Variants in CCAR2 observed in about 807,000 individuals in gnomAD.
The protein encoded by CCAR2 is cell cycle and apoptosis regulator protein 2.
A neutral mutation model predicts 108.1 loss-of-function variants in CCAR2; 21 were observed. The ratio of observed to expected loss-of-function variants is 0.19; its 90% CI spans 0.14 to 0.28. The LOEUF (loss-of-function observed/expected upper bound fraction) is 0.28, where lower values mean the gene tolerates loss of function less well. Ranked by LOEUF, CCAR2 falls within the 10% of genes least tolerant of loss-of-function variation. The probability of loss-of-function intolerance (pLI) is 1.00; values close to 1 mark genes in which losing one functional copy is unlikely to be tolerated. For synonymous variants in CCAR2, 577 were observed against 472.8 expected, an observed-to-expected ratio of 1.22 and a Z score of -2.86; for missense variants, 1,126 against 1,177.0, an observed-to-expected ratio of 0.96 and a Z score of 0.63.
intron 19 of CCAR2, 60 bp from the exon 20 acceptor site, chr8:22,619,090 C>A: frequency 1.3e-6 from 2 of 1,599,560 alleles, no homozygotes; most frequent in South Asian, 2.2e-5. Context: ...GGCTCAGGCC[C>A]TGCCCTGTGC....
chr8:22,614,915 C>A lies in CCAR2; in HGVS notation c.1119C>A (p.Pro373=), dbSNP rs200894555. The A allele has an allele frequency of 1.9e-6, 3 of 1,613,534 alleles. No individual in the cohort carries two copies. Among genetic ancestry groups the A allele is most frequent in the Non-Finnish European group, 2.5e-6 (3 of 1,179,922 alleles). Residue 373 remains proline, a synonymous_variant, in exon 11 of 21, where the codon CCC becomes CCA. Transcript: ENST00000308511. ...EWSPSLDGLD[P]QADPQVLVRT... is the part of the protein sequence containing the mutation. The stretch of plus-strand genomic sequence containing the variant: ...CTCCTTCCCTGGATGGCCTCGACCC[C>A]CAGGCTGACCCGCAGGTGCTGGTGC...
At chr8:22,614,680 G>C (rs1329405087) in intron 10 of CCAR2, 158 bp from the exon 11 acceptor site, 1 of 1,070,586 alleles carries the variant, frequency 9.3e-7, no homozygotes, top group Non-Finnish European at 1.4e-6. Context: ...GTCAGAGAGA[G>C]CGAGGTGGCT....
rs138079032 is a variant in CCAR2, at chr8:22,613,072, G to T, written c.640G>T (p.Ala214Ser). The change falls in exon 8 of 21, where the codon GCT becomes TCT. Residue 214 changes from alanine (A) to serine (S), a missense_variant. By Grantham distance (99) the Ala-to-Ser change is moderately conservative. Around this residue, in one of 4 missense-constraint regions of CCAR2, gnomAD observed 1,013 missense variants for 993.9 expected, o/e 1.02. Transcript: ENST00000308511. ...KQRAGGEPWG[A>S]KKPRHDLPPY... ...GCGGGCTGGTGGAGAGCCCTGGGGTGCTAAGAAGCCAAGGCATGACCTGCC... is the reference window on the plus strand; with the variant it reads ...GCGGGCTGGTGGAGAGCCCTGGGGTTCTAAGAAGCCAAGGCATGACCTGCC... The T allele has an allele frequency of 2.7e-5, 43 of 1,612,746 alleles. No homozygotes were observed. Among genetic ancestry groups the T allele is most frequent in the Non-Finnish European group, 3.6e-5 (43 of 1,179,602 alleles).
intron 6 of CCAR2, 150 bp from the exon 7 acceptor site, chr8:22,607,819 T>G: frequency 1.6e-6 from 1 of 640,674 alleles, no homozygotes; most frequent in Non-Finnish European, 2.8e-6. Flanking sequence ...GGAGACGGGG[T>G]TTCACCATGT....
intron 7 of CCAR2, among the ~76,000 whole-genome samples, chr8:22,609,219 T>G (rs1207850173): frequency 6.6e-6 from 1 of 152,104 alleles, no homozygotes; most frequent in Non-Finnish European, 1.5e-5. Context: ...CTGGAGTAAT[T>G]TTTTAAAACG....
intron 7 of CCAR2, 69 bp downstream of exon 7, chr8:22,608,134 T>A: frequency 7.6e-7 from 1 of 1,320,246 alleles, no homozygotes; most frequent in South Asian, 1.3e-5. Flanking sequence ...TATTATTATT[T>A]TTTTGTGTTG....
chr8:22,621,214 C>G, downstream of CCAR2: 1 of 634,856 alleles, frequency 1.6e-6, no homozygotes. Flanking sequence ...GTCTACACTG[C>G]TTACCTGCTG....
At chr8:22,610,963 C>T (rs927001889) in intron 7 of CCAR2, among the ~76,000 whole-genome samples, 17 of 152,034 alleles carry the variant, frequency 1.1e-4, no homozygotes, top group South Asian at 4.2e-4. Context: ...GCACTTATAA[C>T]GTAGTTATAG....
chr8:22,605,812 A>G lies in CCAR2; in HGVS notation c.39A>G (p.Pro13=). ...AGCGCCAGCGGATCAACCCGCTTCC[A>G]GGGGGACGCAACTTCTCAGGTGATC... The part of the protein sequence containing the change: ...QFKRQRINPL[P]GGRNFSGTAS... The change falls in exon 2 of 21, where the codon CCA becomes CCG. Residue 13 remains proline (P), a synonymous_variant. Transcript: ENST00000308511. 1 of 1,613,980 alleles carries G rather than the reference A, an allele frequency of 6.2e-7. No individual in the cohort carries two copies. Among genetic ancestry groups the G allele is most frequent in the Non-Finnish European group, 8.5e-7 (1 of 1,179,942 alleles).
chr8:22,618,425 G>A lies in CCAR2; in HGVS notation c.2150G>A (p.Cys717Tyr). Residue 717 changes from cysteine (C) to tyrosine (Y), a missense_variant, in exon 17 of 21, where the codon TGT (cysteine) becomes TAT (tyrosine). Around this residue, in one of 4 missense-constraint regions of CCAR2, gnomAD observed 1,013 missense variants for 993.9 expected, o/e 1.02. Transcript: ENST00000308511. ...TTTGTGTTCTTTGATGCCAACTGGT[G>A]TGGCTACTTGCACCGGCGAGACTTA... ...LAFVFFDANW[C>Y]GYLHRRDLER... 6.2e-7 allele frequency: 1 copy of A among 1,614,200 alleles called. No individual in the cohort carries two copies. The highest frequency in any genetic ancestry group is 1.1e-5 in the South Asian group (1 of 91,080).
chr8:22,615,940 G>C (rs1801488338), intron 13 of CCAR2, 28 bp downstream of exon 13: 2 of 1,613,202 alleles, frequency 1.2e-6, no homozygotes, highest in Non-Finnish European at 1.7e-6. Context: ...TGGGGAGGCT[G>C]TGGGCTGGGA....
Position 22,605,817 on chromosome 8 carries a change from G to A in CCAR2, c.44G>A (p.Gly15Glu). The A allele has an allele frequency of 6.2e-7, 1 of 1,614,028 alleles. No homozygotes were observed. The highest frequency in any genetic ancestry group is 8.5e-7 in the Non-Finnish European group (1 of 1,179,952). Residue 15 changes from glycine to glutamate, a missense_variant, in exon 2 of 21, where the codon GGA becomes GAA. Transcript: ENST00000308511. ...CAGCGGATCAACCCGCTTCCAGGGG[G>A]ACGCAACTTCTCAGGTGATCACTGT... ...KRQRINPLPG[G>E]RNFSGTASTS...
At chr8:22,607,472 T>C in intron 6 of CCAR2, 147 bp downstream of exon 6, 4 of 821,768 alleles carry the variant, frequency 4.9e-6, no homozygotes, top group Middle Eastern at 3.0e-4. Context: ...TTAGGGTTTT[T>C]TTTTTTTTTT....
intron 10 of CCAR2, 111 bp downstream of exon 10, chr8:22,614,614 C>A: frequency 9.2e-7 from 1 of 1,092,284 alleles, no homozygotes; most frequent in Non-Finnish European, 1.4e-6. Context: ...CATCTCAGAG[C>A]CGAACACCCC....
In CCAR2 at chr8:22,618,836, A is replaced by C; in HGVS notation, c.2342A>C (p.Asp781Ala). The C allele has an allele frequency of 1.2e-6, 2 of 1,613,638 alleles. No individual in the cohort carries two copies. Among genetic ancestry groups the C allele is most frequent in the Non-Finnish European group, 1.7e-6 (2 of 1,179,892 alleles). ...LPEEVLFGNL[D>A]LLPPPGKSTK... Reference sequence around the variant, plus strand: ...TCACGGTTCTCTCTAGGAAACCTGGACCTGCTGCCCCCTCCTGGGAAAAGC... The same window carrying C: ...TCACGGTTCTCTCTAGGAAACCTGGCCCTGCTGCCCCCTCCTGGGAAAAGC... Residue 781 changes from aspartate (D) to alanine (A), a missense_variant, in exon 19 of 21, where the codon GAC becomes GCC. Asp to Ala is a moderately radical substitution (Grantham distance 126). Around this residue, in one of 4 missense-constraint regions of CCAR2, gnomAD observed 1,013 missense variants for 993.9 expected, o/e 1.02. Coordinates refer to ENST00000308511, the MANE Select transcript of CCAR2 (RefSeq NM_001393997.1).
chr8:22,608,614 T>C (rs1339894513), intron 7 of CCAR2, among the ~76,000 whole-genome samples: 3 of 152,158 alleles, frequency 2.0e-5, no homozygotes, highest in East Asian at 3.8e-4. Context: ...GCCTTTAGGG[T>C]ATCCTGGTGA....
At position 22,615,834 on chromosome 8, in the gene CCAR2, C is replaced by G. The variant is rs143313961; in HGVS notation, c.1530C>G (p.Ile510Met). Residue 510 changes from isoleucine (I) to methionine (M), a missense_variant, in exon 13 of 21, where the codon ATC becomes ATG. Coordinates refer to ENST00000308511, the MANE Select transcript of CCAR2 (RefSeq NM_001393997.1). ...CACCCCCCCTAGAACCTGCTGTCAT[C>G]GCACGCCCTGGCTGTGTAAACCTGT... ...APPPPLEPAV[I>M]ARPGCVNLSL... 8 of 1,613,852 alleles carry G rather than the reference C, an allele frequency of 5.0e-6. No homozygotes were observed. The highest frequency in any genetic ancestry group is 3.3e-4 in the Middle Eastern group (2 of 6,084).
At chr8:22,621,187 A>T (rs1801790894), downstream of CCAR2, 1 of 548,600 alleles carries the variant, frequency 1.8e-6, no homozygotes, top group Non-Finnish European at 3.2e-6. Context: ...CTCCAAATAA[A>T]AAAGCCCCAA....
chr8:22,611,087 G>A (rs1359768123), intron 7 of CCAR2, among the ~76,000 whole-genome samples: 6 of 151,830 alleles, frequency 4.0e-5, no homozygotes, highest in Non-Finnish European at 7.4e-5. Context: ...TAGGCCAGGC[G>A]CGGTGGCTCA....
Sources: gnomAD v4.1 joint callset for allele counts (sites outside exome capture counted in the v4.1 genomes callset) on GRCh38, gnomAD v4.1.1 for gene constraint, gnomAD v4.1.1 regional missense constraint, MANE v1.5 for transcripts, NCBI Gene and HGNC (gene_info 2026-07-23, HGNC 2026-07-21) for gene names.